The following WWOX variants were observed in gnomAD, a reference collection of about 807,000 sequenced individuals.
WWOX encodes WW domain containing oxidoreductase.
A neutral mutation model predicts 46.2 loss-of-function variants in WWOX; 69 were observed. That is an observed-to-expected ratio of 1.49 (90% CI 1.23 to 1.82). WWOX has a LOEUF of 1.82. WWOX is among the 40% of genes most tolerant of loss of function. WWOX has a pLI of 0.00. For synonymous variants in WWOX, 359 were observed against 202.6 expected (o/e 1.77, Z -6.56); for missense variants, 919 against 542.6 (o/e 1.69, Z -6.89).
chr16:79,120,571 T>A (rs1205185415), intron 8 of WWOX, among the ~76,000 whole-genome samples: 1 of 152,182 alleles, frequency 6.6e-6, no homozygotes, highest in African/African-American at 2.4e-5. Flanking sequence ...GAGATACATT[T>A]GCTCACGGTG....
intron 8 of WWOX, among the ~76,000 whole-genome samples, chr16:79,060,451 A>G (rs1025162314): frequency 6.6e-6 from 1 of 152,228 alleles, no homozygotes; most frequent in Non-Finnish European, 1.5e-5. Flanking sequence ...GAAGATGGAT[A>G]GAAGCTTCAA....
At chr16:78,647,100 T>G (rs1042996935) in intron 8 of WWOX, among the ~76,000 whole-genome samples, 7 of 152,152 alleles carry the variant, frequency 4.6e-5, no homozygotes, top group African/African-American at 1.7e-4. Flanking sequence ...GCCTTGAGGA[T>G]GTGAAACTGC....
chr16:78,948,971 C>T (rs115892621), intron 8 of WWOX, among the ~76,000 whole-genome samples: 174 of 152,204 alleles, frequency 1.1e-3, no homozygotes, highest in African/African-American at 3.8e-3. Flanking sequence ...TCACGTACTG[C>T]CACTGGCTTT....
intron 8 of WWOX, among the ~76,000 whole-genome samples, chr16:78,505,825 C>G (rs2667599): frequency 0.85 from 128,535 of 152,080 alleles, 56,617 homozygotes; most frequent in Non-Finnish European, 0.96. Context: ...CCCAGATGAT[C>G]TGATTCTGTA....
At chr16:78,972,303 T>C (rs2046486752) in intron 8 of WWOX, among the ~76,000 whole-genome samples, 1 of 152,148 alleles carries the variant, frequency 6.6e-6, no homozygotes, top group Admixed American at 6.5e-5. Flanking sequence ...AGTCTCGCAT[T>C]ATAAATGAAT....
intron 5 of WWOX, among the ~76,000 whole-genome samples, chr16:78,318,273 T>TTTA (rs2151881344): frequency 2.4e-5 from 1 of 42,148 alleles, no homozygotes; most frequent in South Asian, 8.7e-4. Context: ...CTGGGAGGAA[T>TTTA]TTTTTTTTTT....
chr16:78,835,226 A>T (rs901372238), intron 8 of WWOX, among the ~76,000 whole-genome samples: 1 of 152,194 alleles, frequency 6.6e-6, no homozygotes, highest in Non-Finnish European at 1.5e-5. Context: ...CTAGAAAACA[A>T]GTGCCAGCAT....
intron 8 of WWOX, among the ~76,000 whole-genome samples, chr16:78,965,568 TAA>T (rs76477109): frequency 2.8e-5 from 4 of 141,784 alleles, no homozygotes; most frequent in South Asian, 2.2e-4. Context: ...AACTCCATCT[TAA>T]AAAAAAAAAA....
intron 6 of WWOX, among the ~76,000 whole-genome samples, chr16:78,388,987 T>C (rs546848806): frequency 3.8e-4 from 50 of 130,194 alleles, no homozygotes; most frequent in African/African-American, 1.3e-3. Flanking sequence ...AAAAAAAAAA[T>C]TGACTCAGGC....
intron 5 of WWOX, among the ~76,000 whole-genome samples, chr16:78,367,448 A>G (rs1371880548): frequency 6.6e-6 from 1 of 152,034 alleles, no homozygotes; most frequent in African/African-American, 2.4e-5. Context: ...CATTAGGGTT[A>G]GTGTATTAAT....
At chr16:78,881,950 T>C (rs1226330620) in intron 8 of WWOX, among the ~76,000 whole-genome samples, 1 of 152,092 alleles carries the variant, frequency 6.6e-6, no homozygotes, top group Non-Finnish European at 1.5e-5. Flanking sequence ...TGGTGAAACC[T>C]CATCTTTACT....
At chr16:78,507,665 T>C (rs757858483) in intron 8 of WWOX, among the ~76,000 whole-genome samples, 12 of 152,168 alleles carry the variant, frequency 7.9e-5, no homozygotes, top group Non-Finnish European at 1.3e-4. Flanking sequence ...TCCAGCCAGA[T>C]CAGCATTGCA....
At chr16:78,412,493 A>G (rs189943631) in intron 6 of WWOX, among the ~76,000 whole-genome samples, 18 of 152,272 alleles carry the variant, frequency 1.2e-4, no homozygotes, top group African/African-American at 4.3e-4. Context: ...TGCAGGGAAG[A>G]TTTTAGAGAT....
At chr16:78,683,006 A>G (rs2047765675) in intron 8 of WWOX, among the ~76,000 whole-genome samples, 1 of 152,150 alleles carries the variant, frequency 6.6e-6, no homozygotes, top group South Asian at 2.1e-4. Context: ...ATTTCAATAA[A>G]TGAATCTGTA....
In WWOX at chr16:78,570,348, A is replaced by T. The variant is rs953466749; in HGVS notation, c.1056+137596A>T. ...ATGCAACAATTTATTTTTCTTTGAGACAGGATCTGGAGTGTGGTGGTGCAA... is the reference window on the plus strand; with the variant it reads ...ATGCAACAATTTATTTTTCTTTGAGTCAGGATCTGGAGTGTGGTGGTGCAA... On this transcript the variant is annotated intron_variant, in intron 8 of 8. Transcript: ENST00000566780. Among the ~76,000 whole-genome samples, 3 of 152,244 alleles carry T rather than the reference A, an allele frequency of 2.0e-5. No homozygotes were observed. The East Asian group carries it at 5.8e-4, about 29-fold the overall frequency.
chr16:78,537,919 C>T (rs1272102425), intron 8 of WWOX, among the ~76,000 whole-genome samples: 2 of 152,108 alleles, frequency 1.3e-5, no homozygotes, highest in African/African-American at 4.8e-5. Context: ...AGCTGCTTTT[C>T]ACCTTACAGC....
At chr16:78,542,778 A>G (rs909185645) in intron 8 of WWOX, among the ~76,000 whole-genome samples, 2 of 152,216 alleles carry the variant, frequency 1.3e-5, no homozygotes, top group Non-Finnish European at 2.9e-5. Context: ...AGTGAAGGTA[A>G]TAAGCTCCAA....
intron 8 of WWOX, among the ~76,000 whole-genome samples, chr16:78,829,044 A>T (rs1345555597): frequency 6.6e-6 from 1 of 152,112 alleles, no homozygotes; most frequent in African/African-American, 2.4e-5. Context: ...ATAAATTCTA[A>T]ACATCATAAG....
At chr16:78,597,437 T>C (rs1597325486) in intron 8 of WWOX, among the ~76,000 whole-genome samples, 1 of 152,214 alleles carries the variant, frequency 6.6e-6, no homozygotes, top group Non-Finnish European at 1.5e-5. Context: ...GTGGGCGTTT[T>C]ATGTTGCACC....
Sources: allele counts gnomAD v4.1 joint callset (sites outside exome capture counted in the v4.1 genomes callset), GRCh38; gene constraint gnomAD v4.1.1; transcripts MANE v1.5; gene names NCBI Gene and HGNC (gene_info 2026-07-23, HGNC 2026-07-21).